DPYSL2: variants seen among roughly 807,000 people sequenced by gnomAD.
The protein encoded by DPYSL2 is dihydropyrimidinase-related protein 2.
In DPYSL2, 13 loss-of-function variants were observed where a neutral mutation model predicts 69.9. The observed-to-expected ratio is 0.19, with a 90% CI of 0.12 to 0.30. The LOEUF (loss-of-function observed/expected upper bound fraction) is 0.30. Among genes scored for constraint, DPYSL2 ranks in the 10% least tolerant of loss-of-function variants. The pLI, the probability that DPYSL2 is intolerant of heterozygous loss-of-function variation, is 1.00. For synonymous variants in DPYSL2, 326 were observed against 359.1 expected (o/e 0.91, Z 1.04); for missense variants, 587 against 918.9 (o/e 0.64, Z 4.67).
At chr8:26,595,097 C>A (rs918415769) in intron 3 of DPYSL2, among the ~76,000 whole-genome samples, 1 of 151,950 alleles carries the variant, frequency 6.6e-6, no homozygotes, top group African/African-American at 2.4e-5. Context: ...GTGACACATA[C>A]CTGTAGTCCT....
At chr8:26,589,484 A>G (rs1199190078) in intron 3 of DPYSL2, among the ~76,000 whole-genome samples, 2 of 152,252 alleles carry the variant, frequency 1.3e-5, no homozygotes, top group East Asian at 3.8e-4. Flanking sequence ...GAATACACTG[A>G]CGATACTTGA....
intron 1 of DPYSL2, among the ~76,000 whole-genome samples, chr8:26,559,597 G>T (rs1801042084): frequency 6.6e-6 from 1 of 151,944 alleles, no homozygotes; most frequent in African/African-American, 2.4e-5. Context: ...TTTATGAGTG[G>T]CTGGTTCATG....
Position 26,514,566 on chromosome 8 carries a change from C to A in DPYSL2, c.241C>A (p.Pro81Thr). 6.5e-7 allele frequency: 1 copy of A among 1,527,418 alleles called. No homozygotes were observed. The highest frequency in any genetic ancestry group is 8.8e-7 in the Non-Finnish European group (1 of 1,142,726). 94.6% of individuals were successfully genotyped at this position (1,527,418 alleles called of 1,614,324 possible). A position where few individuals can be genotyped will look rare whatever the true frequency, so the allele number is the denominator to read the frequency against. ...CCACTTGGGCCCGGACCCGCAGCCG[C>A]CGTACTCGCGGCAGGGCCGGCGCGC... ...VAHLGPDPQP[P>T]YSRQGRRAGG... Residue 81 changes from proline to threonine, a missense_variant, in exon 1 of 14, where the codon CCG (proline) becomes ACG (threonine). Transcript: ENST00000521913. This position sits in a 1 kb window ranked among gnomAD's most constrained non-coding sequence, Gnocchi z 8.4.
rs1280175749 is a variant in DPYSL2, at chr8:26,656,575, C to T, written c.*869C>T. 3 of 152,510 alleles carry T rather than the reference C, an allele frequency of 2.0e-5. No homozygotes were observed. In the East Asian group the frequency reaches 5.8e-4, roughly 29 times the overall value. 9.4% of individuals were successfully genotyped at this position (152,510 alleles called of 1,614,324 possible). Reference sequence around the variant, plus strand: ...GCCCTTGTCTCGGAGACGGTGTTTTCCTCCCTTGCCCCATTATCTTTTCAC... The same window carrying T: ...GCCCTTGTCTCGGAGACGGTGTTTTTCTCCCTTGCCCCATTATCTTTTCAC... On this transcript the variant is annotated 3_prime_UTR_variant, in exon 14 of 14. Coordinates refer to ENST00000521913, the MANE Select transcript of DPYSL2 (RefSeq NM_001197293.3).
intron 1 of DPYSL2, among the ~76,000 whole-genome samples, chr8:26,563,775 A>C (rs1801108956): frequency 6.6e-6 from 1 of 152,210 alleles, no homozygotes; most frequent in African/African-American, 2.4e-5. Flanking sequence ...CCATGAGGGC[A>C]GAGGTGTTGT....
At chr8:26,573,377 A>T (rs1454412315) in intron 1 of DPYSL2, among the ~76,000 whole-genome samples, 1 of 151,470 alleles carries the variant, frequency 6.6e-6, no homozygotes, top group African/African-American at 2.4e-5. Flanking sequence ...TACAAAAAGT[A>T]CCTGGGCGTG....
chr8:26,551,610 C>T (rs1248685156), intron 1 of DPYSL2, among the ~76,000 whole-genome samples: 1 of 152,136 alleles, frequency 6.6e-6, no homozygotes, highest in African/African-American at 2.4e-5. Context: ...TTATACATCA[C>T]CCAGCAACAG....
At chr8:26,531,309 G>A (rs900848545) in intron 1 of DPYSL2, among the ~76,000 whole-genome samples, 1 of 152,084 alleles carries the variant, frequency 6.6e-6, no homozygotes, top group African/African-American at 2.4e-5. Context: ...GGCAGCTCGG[G>A]GGCTCATGGA....
At chr8:26,612,085 G>A (rs867076572) in intron 3 of DPYSL2, among the ~76,000 whole-genome samples, 1 of 152,234 alleles carries the variant, frequency 6.6e-6, no homozygotes, top group South Asian at 2.1e-4. Flanking sequence ...GATCTCTCAT[G>A]TAGGACTCAG....
intron 1 of DPYSL2, among the ~76,000 whole-genome samples, chr8:26,546,691 G>A (rs1899497): frequency 0.52 from 79,344 of 151,180 alleles, 21,641 homozygotes; most frequent in African/African-American, 0.67. Context: ...AGGCCGAGAC[G>A]GGTGGATCAC....
chr8:26,565,994 T>C lies in DPYSL2; in HGVS notation c.355-15975T>C, dbSNP rs76859683. Among the ~76,000 whole-genome samples the C allele has an allele frequency of 0.07, 10,635 of 152,244 alleles. 451 individuals carry two copies. Among genetic ancestry groups the C allele is most frequent in the South Asian group, 0.22 (1,045 of 4,826 alleles). ...CTGCCGATGAGGGTGGGAAATGTAG[T>C]CCAGTTGTGTGTCCTAGAAGAAGAG... On this transcript the variant is annotated intron_variant, in intron 1 of 13. Coordinates refer to ENST00000521913, the MANE Select transcript of DPYSL2 (RefSeq NM_001197293.3). The surrounding 1 kb of genome is among the most constrained non-coding windows in gnomAD (Gnocchi z 4.1).
chr8:26,641,077 C>T lies in DPYSL2; in HGVS notation c.1127-2362C>T, dbSNP rs1260391928. The stretch of plus-strand genomic sequence containing the variant: ...AGCCTGTGGTCAGCAGCATTCATCC[C>T]CATGGTATTCAGGCCACTTTCCAAG... On this transcript the variant is annotated intron_variant, in intron 8 of 13. Coordinates refer to ENST00000521913, the MANE Select transcript of DPYSL2 (RefSeq NM_001197293.3). The surrounding 1 kb of genome is among the most constrained non-coding windows in gnomAD (Gnocchi z 4.1). 6.6e-6 allele frequency among the ~76,000 whole-genome samples: 1 copy of T among 152,184 alleles called. No homozygotes were observed. The highest frequency in any genetic ancestry group is 1.5e-5 in the Non-Finnish European group (1 of 68,032).
At position 26,546,945 on chromosome 8, in the gene DPYSL2, A is replaced by G. The variant is rs1415800600; in HGVS notation, c.354+32266A>G. Among the ~76,000 whole-genome samples the G allele has an allele frequency of 4.7e-5, 7 of 149,704 alleles. No individual in the cohort carries two copies. The East Asian group carries it at 5.8e-4, about 13-fold the overall frequency. On this transcript the variant is annotated intron_variant, in intron 1 of 13. Coordinates refer to ENST00000521913, the MANE Select transcript of DPYSL2 (RefSeq NM_001197293.3). ...TCAAAAAAAAAAAAAAAAAAAAAAA[A>G]AAAAAAGAAAAGAAAAATCCTGCAG... is the stretch of plus-strand genomic sequence containing the variant.
At position 26,614,960 on chromosome 8, in the gene DPYSL2, G is replaced by A. The variant is rs1038233719; in HGVS notation, c.629-9183G>A. On this transcript the variant is annotated intron_variant, in intron 3 of 13. Transcript: ENST00000521913. This position sits in a 1 kb window ranked among gnomAD's most constrained non-coding sequence, Gnocchi z 4.9. ...CCCTCTTGCTCTCTTTTGATCACAC[G>A]TTCTGGGGTCAGATTCCAGCTCTGC... Among the ~76,000 whole-genome samples, 4 of 152,186 alleles carry A rather than the reference G, an allele frequency of 2.6e-5. No individual in the cohort carries two copies. The highest frequency in any genetic ancestry group is 9.7e-5 in the African/African-American group (4 of 41,450).
chr8:26,628,030 G>A lies in DPYSL2; in HGVS notation c.1005+90G>A, dbSNP rs1323273893. ...AACCTGCTTCCTGCCTGTTGAGAAGGGGGCTTCTCTGATGCTGACTGTGGT... is the reference window on the plus strand; with the variant it reads ...AACCTGCTTCCTGCCTGTTGAGAAGAGGGCTTCTCTGATGCTGACTGTGGT... On this transcript the variant is annotated intron_variant, in intron 7 of 13. Transcript: ENST00000521913. 4 of 1,321,974 alleles carry A rather than the reference G, an allele frequency of 3.0e-6. No individual in the cohort carries two copies. In the African/African-American group the frequency reaches 5.8e-5, roughly 19 times the overall value. 81.9% of individuals were successfully genotyped at this position (1,321,974 alleles called of 1,614,324 possible).
chr8:26,611,339 C>G (rs1307230669), intron 3 of DPYSL2, among the ~76,000 whole-genome samples: 1 of 152,180 alleles, frequency 6.6e-6, no homozygotes, highest in African/African-American at 2.4e-5. Context: ...TTCAGCCCAG[C>G]TTTTCAGATG....
rs750995710 is a variant in DPYSL2, at chr8:26,581,986, C to T, written c.372C>T (p.Ile124=). ...TGTTTCAGAGCGATCGTCTTCTGAT[C>T]AAAGGAGGTAAAATTGTTAATGATG... The part of the protein sequence containing the change: ...NINDQSDRLL[I]KGGKIVNDDQ... Residue 124 remains isoleucine (I), a synonymous_variant, in exon 2 of 14, where the codon ATC becomes ATT. Coordinates refer to ENST00000521913, the MANE Select transcript of DPYSL2 (RefSeq NM_001197293.3). 1 of 1,613,950 alleles carries T rather than the reference C, an allele frequency of 6.2e-7. No individual in the cohort carries two copies. Among genetic ancestry groups the T allele is most frequent in the Non-Finnish European group, 8.5e-7 (1 of 1,179,984 alleles).
intron 3 of DPYSL2, among the ~76,000 whole-genome samples, chr8:26,596,647 C>T (rs934480421): frequency 6.6e-6 from 1 of 152,198 alleles, no homozygotes; most frequent in Non-Finnish European, 1.5e-5. Flanking sequence ...CATTTCTAAT[C>T]CTTCCATCAA....
chr8:26,549,018 G>C (rs866035067), intron 1 of DPYSL2, among the ~76,000 whole-genome samples: 2 of 151,820 alleles, frequency 1.3e-5, no homozygotes, highest in East Asian at 3.9e-4. Flanking sequence ...GGGAAGCCCC[G>C]TCCCTACTAA....
Sources: allele counts gnomAD v4.1 joint callset (sites outside exome capture counted in the v4.1 genomes callset), GRCh38; gene constraint gnomAD v4.1.1; non-coding constraint Gnocchi (gnomAD v3.1); transcripts MANE v1.5; gene names NCBI Gene and HGNC (gene_info 2026-07-23, HGNC 2026-07-21).